The following CACNA1E variants were observed in gnomAD, a reference collection of about 807,000 sequenced individuals.
The protein encoded by CACNA1E is voltage-dependent R-type calcium channel subunit alpha-1E.
CACNA1E carries 40 observed loss-of-function variants against 259.2 expected under a neutral mutation model. That is an observed-to-expected ratio of 0.15 (90% confidence interval 0.12 to 0.20). The LOEUF (loss-of-function observed/expected upper bound fraction) is 0.20, where lower values mean the gene tolerates loss of function less well. Among genes scored for constraint, CACNA1E ranks in the 10% least tolerant of loss-of-function variants. The probability of loss-of-function intolerance (pLI) is 1.00; values close to 1 mark genes in which losing one functional copy is unlikely to be tolerated. For synonymous variants in CACNA1E, 1,104 were observed against 1,138.5 expected, an observed-to-expected ratio of 0.97 and a Z score of 0.61; for missense variants, 1,874 against 3,040.1, an observed-to-expected ratio of 0.62 and a Z score of 9.02.
At chr1:181,405,765 T>C (rs1035217387) in intron 1 of CACNA1E, among the ~76,000 whole-genome samples, 10 of 152,198 alleles carry the variant, frequency 6.6e-5, no homozygotes, top group African/African-American at 2.4e-4. Context: ...GCTAATGGAA[T>C]GTGGAGAGTT....
At chr1:181,499,991 G>A (rs1230080354) in intron 1 of CACNA1E, among the ~76,000 whole-genome samples, 1 of 152,180 alleles carries the variant, frequency 6.6e-6, no homozygotes, top group Admixed American at 6.5e-5. Context: ...ATTCTTATGT[G>A]TCACTGCATT....
intron 3 of CACNA1E, among the ~76,000 whole-genome samples, chr1:181,536,084 T>C (rs1668152032): frequency 6.6e-6 from 1 of 152,208 alleles, no homozygotes. Context: ...TTCACTAATA[T>C]GTGTCTTATA....
intron 19 of CACNA1E, among the ~76,000 whole-genome samples, chr1:181,731,860 G>A (rs1480024909): frequency 6.6e-6 from 1 of 152,032 alleles, no homozygotes; most frequent in East Asian, 1.9e-4. Flanking sequence ...GTGATATCAA[G>A]ACTTTTTGTA....
At chr1:181,669,484 G>C (rs1330571330) in intron 7 of CACNA1E, among the ~76,000 whole-genome samples, 1 of 152,158 alleles carries the variant, frequency 6.6e-6, no homozygotes. Context: ...TCCAGGTCAA[G>C]TTTCTTCATC....
intron 6 of CACNA1E, among the ~76,000 whole-genome samples, chr1:181,600,618 A>G (rs1405639591): frequency 1.3e-5 from 2 of 152,092 alleles, no homozygotes; most frequent in Non-Finnish European, 2.9e-5. Context: ...CAGCTACATT[A>G]ATCTGTTAAT....
intron 7 of CACNA1E, among the ~76,000 whole-genome samples, chr1:181,662,443 A>G (rs1485757305): frequency 1.3e-5 from 2 of 151,938 alleles, no homozygotes; most frequent in African/African-American, 4.8e-5. Context: ...TAAAATACAG[A>G]CTCTAGACAG....
At chr1:181,690,815 T>C (rs1226888363) in intron 7 of CACNA1E, among the ~76,000 whole-genome samples, 1 of 152,176 alleles carries the variant, frequency 6.6e-6, no homozygotes, top group Non-Finnish European at 1.5e-5. Flanking sequence ...TTTTTGCACA[T>C]TGATTTTGTA....
chr1:181,718,477 A>G (rs974895149), intron 12 of CACNA1E, among the ~76,000 whole-genome samples: 4 of 152,052 alleles, frequency 2.6e-5, no homozygotes, highest in African/African-American at 9.7e-5. Context: ...TGAACCACTT[A>G]TTATCTTGGG....
rs994833045 is a variant in CACNA1E at position 181,742,823 on chromosome 1, C to T, written c.3719+3570C>T. Among the ~76,000 whole-genome samples, 6 of 152,310 alleles carry T rather than the reference C, an allele frequency of 3.9e-5. No individual in the cohort carries two copies. The East Asian group carries it at 9.6e-4, about 24-fold the overall frequency. On this transcript the variant is annotated intron_variant, in intron 25 of 47. Coordinates refer to ENST00000367573, the MANE Select transcript of CACNA1E (RefSeq NM_001205293.3). The stretch of plus-strand genomic sequence containing the variant: ...CAGTGGCTGAAGAGAAGACTGTTCT[C>T]CACAGCTGCATACATCAAGTTAAGG...
rs1650209926 is a variant in CACNA1E at position 181,319,886 on chromosome 1, C to T, written c.-15+1763C>T. Among the ~76,000 whole-genome samples the T allele has an allele frequency of 2.0e-5, 3 of 152,238 alleles. No homozygotes were observed. The South Asian group carries it at 6.2e-4, about 32-fold the overall frequency. On this transcript the variant is annotated intron_variant, in intron 1 of 11. Coordinates refer to the CACNA1E transcript ENST00000524607. ...ATTTCAGTTCCCTCTGAAAATCCAG[C>T]TCTCAAATACAAATCTCTGTCCTTT...
At chr1:181,433,264 A>C (rs945078851) in intron 2 of CACNA1E, among the ~76,000 whole-genome samples, 2 of 151,612 alleles carry the variant, frequency 1.3e-5, no homozygotes, top group African/African-American at 4.9e-5. Flanking sequence ...GGCCACCCCC[A>C]CTCCATGATT....
intron 6 of CACNA1E, among the ~76,000 whole-genome samples, chr1:181,611,963 T>TA (rs1332791360): frequency 1.3e-5 from 2 of 152,092 alleles, no homozygotes; most frequent in African/African-American, 2.4e-5. Flanking sequence ...AGATATTCTC[T>TA]AAAAAAACAC....
intron 6 of CACNA1E, among the ~76,000 whole-genome samples, chr1:181,601,272 A>G (rs547729964): frequency 6.6e-6 from 1 of 152,178 alleles, no homozygotes; most frequent in African/African-American, 2.4e-5. Flanking sequence ...ATGTTTTTAA[A>G]GCTTAATTTT....
intron 2 of CACNA1E, among the ~76,000 whole-genome samples, chr1:181,475,429 G>T (rs1662777085): frequency 6.6e-6 from 1 of 152,234 alleles, no homozygotes; most frequent in Non-Finnish European, 1.5e-5. Flanking sequence ...GAGAGATTAT[G>T]AAAGGCTTTG....
At chr1:181,648,746 G>A (rs1658505534) in intron 6 of CACNA1E, among the ~76,000 whole-genome samples, 1 of 152,164 alleles carries the variant, frequency 6.6e-6, no homozygotes, top group Non-Finnish European at 1.5e-5. Context: ...CCCTCAAACT[G>A]TAGCTCAATT....
intron 28 of CACNA1E, 81 bp downstream of exon 28, chr1:181,755,478 C>A (rs1213219701): frequency 9.3e-7 from 1 of 1,076,154 alleles, no homozygotes; most frequent in Non-Finnish European, 1.4e-6. Context: ...GGTCCACCCT[C>A]CCTCCTTTCT....
rs570024482 is a variant in CACNA1E, at chr1:181,595,817, G to A, written c.951+15041G>A. 3.5e-4 allele frequency among the ~76,000 whole-genome samples: 53 copies of A among 152,244 alleles called. No individual in the cohort carries two copies. The Middle Eastern group carries it at 0.01, about 29-fold the overall frequency. On this transcript the variant is annotated intron_variant, in intron 6 of 47. Coordinates refer to ENST00000367573, the MANE Select transcript of CACNA1E (RefSeq NM_001205293.3). ...CAGTCCACCCAGGAACACTAAACTT[G>A]CCTGCCTGCCACTTGGCGCTACTAT... is the stretch of plus-strand genomic sequence containing the variant.
At chr1:181,342,133 A>T (rs1366183017) in intron 1 of CACNA1E, among the ~76,000 whole-genome samples, 1 of 152,178 alleles carries the variant, frequency 6.6e-6, no homozygotes, top group Non-Finnish European at 1.5e-5. Flanking sequence ...GACCTGGCAG[A>T]AGAGCATTCT....
intron 2 of CACNA1E, among the ~76,000 whole-genome samples, chr1:181,510,977 A>G (rs751052923): frequency 3.4e-4 from 52 of 152,248 alleles, no homozygotes; most frequent in Non-Finnish European, 6.3e-4. Flanking sequence ...TGAGTCACAC[A>G]TCTAACGTAT....
Sources: allele counts gnomAD v4.1 joint callset (sites outside exome capture counted in the v4.1 genomes callset), GRCh38; gene constraint gnomAD v4.1.1; transcripts MANE v1.5; gene names NCBI Gene and HGNC (gene_info 2026-07-23, HGNC 2026-07-21).